The following NRG1 variants were observed in gnomAD, a reference collection of about 807,000 sequenced individuals.
The protein encoded by NRG1 is neuregulin 1.
In NRG1, 18 loss-of-function variants were observed where a neutral mutation model predicts 63.8. That is an observed-to-expected ratio of 0.28 (90% CI 0.19 to 0.42). The LOEUF is 0.42. NRG1 is among the 10% of genes least tolerant of loss of function. The pLI is 1.00. For missense variants in NRG1, 762 were observed against 814.7 expected, an observed-to-expected ratio of 0.94 and a Z score of 0.79; for synonymous variants, 302 against 301.3, an observed-to-expected ratio of 1.00 and a Z score of -0.02.
At chr8:32,540,452 A>G (rs2129520743) in intron 1 of NRG1, among the ~76,000 whole-genome samples, 1 of 152,330 alleles carries the variant, frequency 6.6e-6, no homozygotes, top group East Asian at 1.9e-4. Context: ...ACGACAACAA[A>G]AATAAAAATG....
At chr8:32,198,817 A>C (rs1176069555) in intron 1 of NRG1, among the ~76,000 whole-genome samples, 1 of 152,094 alleles carries the variant, frequency 6.6e-6, no homozygotes, top group Non-Finnish European at 1.5e-5. Context: ...TGAGATTAAA[A>C]GTTTGAAAAC....
At chr8:31,870,914 G>T (rs932794714) in intron 1 of NRG1, among the ~76,000 whole-genome samples, 9 of 152,026 alleles carry the variant, frequency 5.9e-5, no homozygotes, top group Non-Finnish European at 8.8e-5. Context: ...TAGGATGATG[G>T]TTTGGGAGAT....
intron 1 of NRG1, among the ~76,000 whole-genome samples, chr8:32,465,511 G>A (rs1822943098): frequency 6.6e-6 from 1 of 152,188 alleles, no homozygotes; most frequent in Admixed American, 6.5e-5. Context: ...TCTCAAAATA[G>A]TGAGAGTCCT....
intron 1 of NRG1, among the ~76,000 whole-genome samples, chr8:32,443,039 A>C (rs919676108): frequency 5.3e-5 from 8 of 151,846 alleles, no homozygotes; most frequent in African/African-American, 1.9e-4. Context: ...GGCTCAAGCC[A>C]TCCTTCCATC....
At chr8:32,650,956 C>G (rs1854983585) in intron 5 of NRG1, among the ~76,000 whole-genome samples, 3 of 152,040 alleles carry the variant, frequency 2.0e-5, no homozygotes, top group Admixed American at 2.0e-4. Flanking sequence ...ATTGATTCTT[C>G]TTTATCCTGG....
intron 1 of NRG1, among the ~76,000 whole-genome samples, chr8:31,952,948 AT>A (rs1803712971): frequency 8.5e-5 from 13 of 152,114 alleles, no homozygotes; most frequent in Admixed American, 8.5e-4. Flanking sequence ...TTTATGCAGT[AT>A]TTTCCTGACT....
intron 1 of NRG1, among the ~76,000 whole-genome samples, chr8:31,707,414 A>G (rs1370132661): frequency 2.6e-5 from 4 of 152,136 alleles, no homozygotes; most frequent in Non-Finnish European, 5.9e-5. Context: ...TAGAATTTCT[A>G]AACTACCTTT....
In NRG1 at chr8:32,189,849, A is replaced by T. The variant is rs1051059843; in HGVS notation, c.38-405979A>T. Among the ~76,000 whole-genome samples the T allele has an allele frequency of 2.0e-5, 3 of 152,176 alleles. No individual in the cohort carries two copies. The South Asian group carries it at 6.2e-4, about 31-fold the overall frequency. ...TCTACCAATCACTGGAGTTTTCATT[A>T]GTGCTAGATTGGCATTAGACACATG... On this transcript the variant is annotated intron_variant, in intron 1 of 10. Coordinates refer to the NRG1 transcript ENST00000519301.
intron 1 of NRG1, among the ~76,000 whole-genome samples, chr8:31,799,578 A>C (rs1821553649): frequency 6.6e-6 from 1 of 152,074 alleles, no homozygotes; most frequent in South Asian, 2.1e-4. Flanking sequence ...CACATAATTA[A>C]CATATAATTA....
At chr8:32,446,588 G>A (rs1820271056) in intron 1 of NRG1, among the ~76,000 whole-genome samples, 2 of 152,008 alleles carry the variant, frequency 1.3e-5, no homozygotes, top group African/African-American at 4.8e-5. Flanking sequence ...CAGAGAAGTG[G>A]AGATTGCAGT....
chr8:32,756,362 A>G lies in NRG1; in HGVS notation c.795-41A>G, dbSNP rs77854866. ...AGACTTGGCTCTACTATGAAATGAA[A>G]ATAATCAAAAAAAAATAAATGCTCC... is the stretch of plus-strand genomic sequence containing the variant. On this transcript the variant is annotated intron_variant, in intron 8 of 11. Transcript: ENST00000356819. 0.011 allele frequency: 17,095 copies of G among 1,598,228 alleles called. 1,680 individuals carry two copies. The African/African-American group carries it at 0.21, about 19-fold the overall frequency.
chr8:32,701,568 T>G (rs1814900434), intron 5 of NRG1, among the ~76,000 whole-genome samples: 1 of 152,188 alleles, frequency 6.6e-6, no homozygotes, highest in African/African-American at 2.4e-5. Context: ...TTCAAAAGGT[T>G]TCATATCTTA....
At chr8:32,514,668 T>A (rs1829607744) in intron 1 of NRG1, among the ~76,000 whole-genome samples, 1 of 152,132 alleles carries the variant, frequency 6.6e-6, no homozygotes, top group African/African-American at 2.4e-5. Context: ...TATGCCAGTA[T>A]GTAGGAAATA....
chr8:32,236,161 G>A (rs1335810445), intron 1 of NRG1, among the ~76,000 whole-genome samples: 1 of 151,772 alleles, frequency 6.6e-6, no homozygotes, highest in Non-Finnish European at 1.5e-5. Flanking sequence ...GTGTGTGTGT[G>A]TGTTTGTTTT....
At chr8:32,546,660 A>G (rs1833102338), upstream of NRG1, among the ~76,000 whole-genome samples, 1 of 152,190 alleles carries the variant, frequency 6.6e-6, no homozygotes, top group African/African-American at 2.4e-5. Context: ...AGTGAAATTT[A>G]TATTTGGTGT....
intron 1 of NRG1, among the ~76,000 whole-genome samples, chr8:32,136,379 T>C: frequency 6.6e-6 from 1 of 152,174 alleles, no homozygotes; most frequent in East Asian, 1.9e-4. Context: ...ACCACTGCTA[T>C]TGTCATAAAG....
intron 1 of NRG1, among the ~76,000 whole-genome samples, chr8:32,498,079 T>C (rs1827427772): frequency 6.6e-6 from 1 of 152,146 alleles, no homozygotes; most frequent in South Asian, 2.1e-4. Flanking sequence ...CACCTCGGCC[T>C]CCCAAAGTAC....
At chr8:31,793,864 C>T (rs1427580554) in intron 1 of NRG1, among the ~76,000 whole-genome samples, 1 of 152,114 alleles carries the variant, frequency 6.6e-6, no homozygotes, top group Non-Finnish European at 1.5e-5. Context: ...ACAGCATCTT[C>T]TTTTTTAGTA....
upstream of NRG1, chr8:32,548,241 G>A (rs1833333264): frequency 2.0e-6 from 2 of 985,490 alleles, no homozygotes; most frequent in Non-Finnish European, 2.4e-6. Context: ...GGAGGCGCCT[G>A]CCTCCAACCT....
Sources: allele counts gnomAD v4.1 joint callset (sites outside exome capture counted in the v4.1 genomes callset), GRCh38; gene constraint gnomAD v4.1.1; transcripts MANE v1.5; gene names NCBI Gene and HGNC (gene_info 2026-07-23, HGNC 2026-07-21).